Variants in LARP4B observed in about 807,000 individuals in gnomAD.
The protein encoded by LARP4B is la-related protein 4B.
LARP4B carries 12 observed loss-of-function variants against 89.8 expected under a neutral mutation model. The observed-to-expected ratio is 0.13, with a 90% confidence interval of 0.09 to 0.22. The LOEUF is 0.22. Ranked by LOEUF, LARP4B falls within the 10% of genes least tolerant of loss-of-function variation. The pLI is 1.00. For missense variants in LARP4B, 757 were observed against 947.7 expected (o/e 0.80, Z 2.64); for synonymous variants, 367 against 363.3 (o/e 1.01, Z -0.12).
At chr10:831,945 C>T (rs1283524613) in intron 8 of LARP4B, among the ~76,000 whole-genome samples, 2 of 152,178 alleles carry the variant, frequency 1.3e-5, no homozygotes, top group East Asian at 1.9e-4. Context: ...AGACTTAATA[C>T]ACATAACACA....
chr10:926,861 A>C (rs1488144608), intron 1 of LARP4B, among the ~76,000 whole-genome samples: 1 of 152,126 alleles, frequency 6.6e-6, no homozygotes, highest in Middle Eastern at 3.2e-3. Flanking sequence ...ACACAGTGAA[A>C]CCCAATTTGT....
intron 5 of LARP4B, among the ~76,000 whole-genome samples, chr10:854,539 A>T (rs1834206900): frequency 6.6e-6 from 1 of 151,976 alleles, no homozygotes; most frequent in Admixed American, 6.6e-5. Context: ...AACTAGGTAC[A>T]TTTTCAATGA....
intron 6 of LARP4B, among the ~76,000 whole-genome samples, chr10:844,699 C>G (rs1564400687): frequency 6.6e-6 from 1 of 152,030 alleles, no homozygotes; most frequent in Non-Finnish European, 1.5e-5. Context: ...TCTCCAACTT[C>G]AGTGTGAGGA....
Position 910,188 on chromosome 10 carries a change from ATT to A in LARP4B, c.-40+21238_-40+21239del, listed in dbSNP as rs1261852303. ...AATAGCTTATGTTATTTTGATGTAC[ATT>A]TTTTGTAAACAACTCAGGAACTGCC... On this transcript the variant is annotated intron_variant, in intron 1 of 17. Coordinates refer to ENST00000316157, the MANE Select transcript of LARP4B (RefSeq NM_015155.3). Among the ~76,000 whole-genome samples the A allele has an allele frequency of 3.9e-5, 6 of 152,206 alleles. No homozygotes were observed. The East Asian group carries it at 1.2e-3, about 29-fold the overall frequency.
chr10:948,422 A>AT, the LARP4B span, among the ~76,000 whole-genome samples: 3 of 151,952 alleles, frequency 2.0e-5, no homozygotes, highest in East Asian at 1.9e-4. Flanking sequence ...AATTTTTGGC[A>AT]TTTTTAGTAG....
chr10:871,727 C>T (rs1835209430), intron 3 of LARP4B, among the ~76,000 whole-genome samples: 1 of 152,022 alleles, frequency 6.6e-6, no homozygotes, highest in South Asian at 2.1e-4. Context: ...TGAGAGACAC[C>T]CACTTCCAAA....
rs540832957 is a variant in LARP4B at position 915,275 on chromosome 10, C to T, written c.-40+16153G>A. On this transcript the variant is annotated intron_variant, in intron 1 of 17. Transcript: ENST00000316157. ...ACTCCACCCCAGGCAACAGAGCAGACCCTGTCTCCAGGGGAAAAAAAAATA... is the reference window on the plus strand; with the variant it reads ...ACTCCACCCCAGGCAACAGAGCAGATCCTGTCTCCAGGGGAAAAAAAAATA... 3.9e-5 allele frequency among the ~76,000 whole-genome samples: 6 copies of T among 152,124 alleles called. No homozygotes were observed. In the South Asian group the frequency reaches 8.3e-4, roughly 21 times the overall value.
chr10:930,634 C>G (rs1837273032), intron 1 of LARP4B, among the ~76,000 whole-genome samples: 1 of 152,248 alleles, frequency 6.6e-6, no homozygotes, highest in African/African-American at 2.4e-5. Context: ...GGTGCAGCAG[C>G]TTTCCGATGG....
rs1831731730 is a variant in LARP4B at position 811,129 on chromosome 10, C to CA, written c.*1796dup. The CA allele has an allele frequency of 6.6e-6, 1 of 152,514 alleles. No individual in the cohort carries two copies. 9.4% of individuals were successfully genotyped at this position (152,514 alleles called of 1,614,324 possible). A position where few individuals can be genotyped will look rare whatever the true frequency, so the allele number is the denominator to read the frequency against. On this transcript the variant is annotated 3_prime_UTR_variant, in exon 18 of 18. Coordinates refer to ENST00000316157, the MANE Select transcript of LARP4B (RefSeq NM_015155.3). ...TCTGGAGGCTTTTAATAAGACTTTC[C>CA]AATTCCCTTTTGCAGCAAAGAGGCA... is the stretch of plus-strand genomic sequence containing the variant.
At chr10:882,641 TAG>T (rs1835718079) in intron 3 of LARP4B, among the ~76,000 whole-genome samples, 1 of 152,224 alleles carries the variant, frequency 6.6e-6, no homozygotes, top group South Asian at 2.1e-4. Context: ...TACAGTCTAA[TAG>T]AGATCACTTT....
At chr10:856,378 C>T (rs1364898072) in intron 5 of LARP4B, among the ~76,000 whole-genome samples, 1 of 152,156 alleles carries the variant, frequency 6.6e-6, no homozygotes, top group African/African-American at 2.4e-5. Flanking sequence ...ATGTGAGAAG[C>T]CTGCAAGTTA....
chr10:978,979 A>G, the LARP4B span, among the ~76,000 whole-genome samples: 4 of 149,734 alleles, frequency 2.7e-5, no homozygotes, highest in Non-Finnish European at 4.4e-5. Context: ...CCTGTCTCTC[A>G]ATGTTACTGT....
In LARP4B at chr10:916,991, C is replaced by A. The variant is rs139856753; in HGVS notation, c.-40+14437G>T. On this transcript the variant is annotated intron_variant, in intron 1 of 17. Transcript: ENST00000316157. ...GAGATTATAGCTATGAGCCACTGCG[C>A]CAGGTGGTAAGTACTCTTGAATACA... 5.0e-3 allele frequency among the ~76,000 whole-genome samples: 764 copies of A among 152,206 alleles called. 6 individuals are homozygous for A. Among genetic ancestry groups the A allele is most frequent in the Non-Finnish European group, 8.4e-3 (571 of 68,022 alleles).
chr10:978,401 T>C, the LARP4B span, among the ~76,000 whole-genome samples: 473 of 152,212 alleles, frequency 3.1e-3, 4 homozygotes, highest in African/African-American at 0.01. Context: ...TTTATTGTAC[T>C]TATTAACACA....
chr10:919,624 C>A (rs1478228394), intron 1 of LARP4B, among the ~76,000 whole-genome samples: 1 of 152,194 alleles, frequency 6.6e-6, no homozygotes, highest in African/African-American at 2.4e-5. Flanking sequence ...CTGACACACA[C>A]CACAGTTGCC....
At chr10:930,893 G>T (rs1265505121) in intron 1 of LARP4B, among the ~76,000 whole-genome samples, 3 of 151,456 alleles carry the variant, frequency 2.0e-5, no homozygotes, top group African/African-American at 7.3e-5. Flanking sequence ...ACCGAGGAGC[G>T]AGTGGCAAGG....
chr10:834,598 T>G (rs975285181), intron 8 of LARP4B, among the ~76,000 whole-genome samples: 1 of 152,154 alleles, frequency 6.6e-6, no homozygotes, highest in Non-Finnish European at 1.5e-5. Context: ...TTTTCCTTCC[T>G]TTTTTTCCCC....
At chr10:936,051 C>G (rs940465919), upstream of LARP4B, among the ~76,000 whole-genome samples, 7 of 152,034 alleles carry the variant, frequency 4.6e-5, no homozygotes, top group African/African-American at 1.7e-4. Flanking sequence ...TATCCCGAAG[C>G]ATTTTCTGTG....
At chr10:974,075 G>A in the LARP4B span, among the ~76,000 whole-genome samples, 1 of 152,188 alleles carries the variant, frequency 6.6e-6, no homozygotes, top group African/African-American at 2.4e-5. Flanking sequence ...GTGGACAGTC[G>A]GAGAACCTGG....
Sources: gnomAD v4.1 joint callset for allele counts (sites outside exome capture counted in the v4.1 genomes callset) on GRCh38, gnomAD v4.1.1 for gene constraint, MANE v1.5 for transcripts, NCBI Gene and HGNC (gene_info 2026-07-23, HGNC 2026-07-21) for gene names.